Variants in CHN2 observed in about 807,000 individuals in gnomAD.
The protein encoded by CHN2 is beta-chimaerin.
Under a neutral mutation model 56.3 loss-of-function variants are expected in CHN2, and 35 were observed. The observed-to-expected ratio is 0.62, with a 90% CI of 0.47 to 0.82. The LOEUF (loss-of-function observed/expected upper bound fraction) is 0.82, where lower values mean the gene tolerates loss of function less well. Ranked by LOEUF, CHN2 falls within the 40% of genes least tolerant of loss-of-function variation. CHN2 has a pLI of 0.00. For synonymous variants in CHN2, 210 were observed against 212.8 expected (o/e 0.99, Z 0.12); for missense variants, 491 against 580.5 (o/e 0.85, Z 1.58).
chr7:29,192,898 A>G (rs1783076806), upstream of CHN2: 1 of 152,250 alleles, frequency 6.6e-6, no homozygotes, highest in Non-Finnish European at 1.5e-5. Context: ...ATAGATTACT[A>G]GTCAAACAAG....
intron 1 of CHN2, among the ~76,000 whole-genome samples, chr7:29,273,737 T>C (rs1390214559): frequency 6.6e-6 from 1 of 151,794 alleles, no homozygotes; most frequent in African/African-American, 2.4e-5. Flanking sequence ...TTCAAAATAG[T>C]GTCATTGTTT....
intron 6 of CHN2, among the ~76,000 whole-genome samples, chr7:29,457,442 T>C (rs1051077478): frequency 6.6e-6 from 1 of 152,166 alleles, no homozygotes; most frequent in African/African-American, 2.4e-5. Flanking sequence ...TTGATGAATC[T>C]GAGAACGAGA....
intron 7 of CHN2, among the ~76,000 whole-genome samples, chr7:29,491,746 T>G (rs1259290657): frequency 6.6e-6 from 1 of 152,224 alleles, no homozygotes; most frequent in African/African-American, 2.4e-5. Context: ...CCACCCTTTT[T>G]TAAATTATCA....
chr7:29,264,135 G>A (rs1184346595), intron 1 of CHN2, among the ~76,000 whole-genome samples: 2 of 147,178 alleles, frequency 1.4e-5, no homozygotes, highest in African/African-American at 2.4e-5. Context: ...CCTCTGCCCG[G>A]CCGCCACCCC....
intron 1 of CHN2, among the ~76,000 whole-genome samples, chr7:29,275,567 A>C (rs1457421614): frequency 2.6e-5 from 4 of 152,248 alleles, no homozygotes; most frequent in African/African-American, 4.8e-5. Flanking sequence ...AGTAAGAACA[A>C]TTGCTAATAT....
intron 2 of CHN2, among the ~76,000 whole-genome samples, chr7:29,181,689 T>A (rs1798073002): frequency 6.6e-6 from 1 of 152,206 alleles, no homozygotes; most frequent in Non-Finnish European, 1.5e-5. Context: ...TGTATTCATT[T>A]TAAAAATTAC....
At chr7:29,295,704 T>G (rs1793095230) in intron 1 of CHN2, among the ~76,000 whole-genome samples, 1 of 152,254 alleles carries the variant, frequency 6.6e-6, no homozygotes, top group Non-Finnish European at 1.5e-5. Context: ...GAGACTTGTC[T>G]GTTGAGCCTA....
In CHN2 at chr7:29,456,630, C is replaced by A. The variant is rs369792394; in HGVS notation, c.577-23649C>A. Among the ~76,000 whole-genome samples, 120 of 143,988 alleles carry A rather than the reference C, an allele frequency of 8.3e-4. 1 individual carries two copies. The highest frequency in any genetic ancestry group is 3.1e-3 in the East Asian group (13 of 4,204). The allele number at this position is 143,988 out of a possible 152,430, so 94.5% of individuals were successfully genotyped here. ...ACCCGCCCCCTCCCCCCCACCACCACCACCAACACCCCTCTTCTCGCCATT... is the reference window on the plus strand; with the variant it reads ...ACCCGCCCCCTCCCCCCCACCACCAACACCAACACCCCTCTTCTCGCCATT... On this transcript the variant is annotated intron_variant, in intron 6 of 12. Coordinates refer to ENST00000222792, the MANE Select transcript of CHN2 (RefSeq NM_004067.4).
Position 29,251,622 on chromosome 7 carries a change from CTT to C in CHN2, c.49+56633_49+56634del, listed in dbSNP as rs1196224173. 5.9e-5 allele frequency among the ~76,000 whole-genome samples: 9 copies of C among 152,266 alleles called. No individual in the cohort carries two copies. In the South Asian group the frequency reaches 1.7e-3, roughly 28 times the overall value. On this transcript the variant is annotated intron_variant, in intron 1 of 12. Transcript: ENST00000222792. ...TCAAGGTAACTTCGTGTAACTAACA[CTT>C]ACACAGAATTTCAGAGAGAATAAGA... is the stretch of plus-strand genomic sequence containing the variant.
intron 2 of CHN2, among the ~76,000 whole-genome samples, chr7:29,161,070 G>A (rs563891160): frequency 5.2e-4 from 79 of 152,120 alleles, no homozygotes; most frequent in African/African-American, 1.7e-3. Context: ...ATACCTAGAA[G>A]CTACCTGACT....
chr7:29,436,936 T>G (rs1485221872), intron 6 of CHN2, among the ~76,000 whole-genome samples: 1 of 147,254 alleles, frequency 6.8e-6, no homozygotes, highest in Non-Finnish European at 1.5e-5. Context: ...TATTGCTTCT[T>G]ATTAAAATTA....
At chr7:29,249,767 T>A (rs1788347524) in intron 1 of CHN2, among the ~76,000 whole-genome samples, 1 of 152,164 alleles carries the variant, frequency 6.6e-6, no homozygotes, top group South Asian at 2.1e-4. Context: ...GAATAAATTG[T>A]CAAAAAAGAC....
At chr7:29,330,491 T>C (rs2128903296) in intron 1 of CHN2, among the ~76,000 whole-genome samples, 1 of 152,356 alleles carries the variant, frequency 6.6e-6, no homozygotes, top group African/African-American at 2.4e-5. Context: ...GAAGAATTCA[T>C]GAAGGTGGCC....
intron 1 of CHN2, among the ~76,000 whole-genome samples, chr7:29,255,642 C>T (rs1789012254): frequency 1.3e-5 from 2 of 152,200 alleles, no homozygotes; most frequent in Admixed American, 6.5e-5. Context: ...ACCTTGCAGA[C>T]AGCCAAGACG....
intron 7 of CHN2, chr7:29,484,042 C>T: frequency 4.0e-6 from 2 of 496,340 alleles, no homozygotes; most frequent in East Asian, 7.1e-5. Flanking sequence ...ATTTTTGTAT[C>T]TAGCTTTTTC....
At chr7:29,251,077 T>G (rs573071487) in intron 1 of CHN2, among the ~76,000 whole-genome samples, 59 of 152,294 alleles carry the variant, frequency 3.9e-4, no homozygotes, top group African/African-American at 1.3e-3. Context: ...GATGGCAAAA[T>G]TGAATAGAAA....
intron 1 of CHN2, among the ~76,000 whole-genome samples, chr7:29,298,361 G>A (rs1426366573): frequency 3.3e-5 from 5 of 152,072 alleles, no homozygotes; most frequent in Non-Finnish European, 7.4e-5. Context: ...GCTTTGACCC[G>A]AAGCTTGGAA....
chr7:29,363,008 G>A (rs1265596876), intron 2 of CHN2, among the ~76,000 whole-genome samples: 1 of 152,234 alleles, frequency 6.6e-6, no homozygotes, highest in African/African-American at 2.4e-5. Context: ...AATGGGAAGA[G>A]AAAAGTGAAC....
chr7:29,245,394 A>AGTT (rs1787991877), intron 1 of CHN2, among the ~76,000 whole-genome samples: 1 of 152,266 alleles, frequency 6.6e-6, no homozygotes, highest in African/African-American at 2.4e-5. Context: ...GATACATTTA[A>AGTT]GTTAGCACAT....
Sources: allele counts gnomAD v4.1 joint callset (sites outside exome capture counted in the v4.1 genomes callset), GRCh38; gene constraint gnomAD v4.1.1; transcripts MANE v1.5; gene names NCBI Gene and HGNC (gene_info 2026-07-23, HGNC 2026-07-21).